The following ERC1 variants were observed in gnomAD, a reference collection of about 807,000 sequenced individuals.
ERC1 encodes ELKS/RAB6-interacting/CAST family member 1.
In ERC1, 56 loss-of-function variants were observed where a neutral mutation model predicts 132.0. That is an observed-to-expected ratio of 0.42 (90% CI 0.34 to 0.53). ERC1 has a LOEUF of 0.53. Among genes scored for constraint, ERC1 ranks in the 20% least tolerant of loss-of-function variants. ERC1 has a pLI of 0.03. For synonymous variants in ERC1, 478 were observed against 476.1 expected (o/e 1.00, Z -0.05); for missense variants, 1,202 against 1,349.9 (o/e 0.89, Z 1.72).
intron 16 of ERC1, among the ~76,000 whole-genome samples, chr12:1,403,465 G>A (rs1486574769): frequency 1.3e-5 from 2 of 152,188 alleles, no homozygotes; most frequent in African/African-American, 2.4e-5. Flanking sequence ...TGCTCTGTGA[G>A]CTGTCAGATA....
chr12:1,441,852 T>C (rs1190822693), intron 17 of ERC1, among the ~76,000 whole-genome samples: 3 of 152,210 alleles, frequency 2.0e-5, no homozygotes, highest in Admixed American at 6.5e-5. Context: ...CAGAGTGTGC[T>C]TGCATTTAAA....
rs7308267 is a variant in ERC1 at position 1,117,704 on chromosome 12, G to A, written c.1569+1671G>A. ...CTCGTTTATTTACTGCCAGTGTCTG[G>A]CACATAGTAAAGTCTTTGTACATTC... On this transcript the variant is annotated intron_variant, in intron 7 of 18. Transcript: ENST00000360905. 4.7e-3 allele frequency among the ~76,000 whole-genome samples: 716 copies of A among 152,270 alleles called. 4 individuals carry two copies. Among genetic ancestry groups the A allele is most frequent in the African/African-American group, 0.016 (675 of 41,552 alleles).
chr12:1,156,495 C>T (rs183220653), intron 8 of ERC1, among the ~76,000 whole-genome samples: 30 of 152,244 alleles, frequency 2.0e-4, no homozygotes, highest in Admixed American at 1.2e-3. Context: ...CCTCAGCCTC[C>T]CAAAGTGCAG....
At chr12:1,336,075 G>C (rs941242000) in intron 15 of ERC1, among the ~76,000 whole-genome samples, 2 of 151,976 alleles carry the variant, frequency 1.3e-5, no homozygotes, top group Non-Finnish European at 1.5e-5. Context: ...ATTCTCTAGT[G>C]GTTGTTTGTA....
intron 15 of ERC1, among the ~76,000 whole-genome samples, chr12:1,317,323 A>G (rs905056879): frequency 2.6e-5 from 4 of 152,126 alleles, no homozygotes; most frequent in East Asian, 1.9e-4. Context: ...CAAACACCGC[A>G]TGTTCTCACT....
intron 18 of ERC1, among the ~76,000 whole-genome samples, chr12:1,463,224 G>A (rs2093676131): frequency 6.6e-6 from 1 of 152,138 alleles, no homozygotes; most frequent in African/African-American, 2.4e-5. Flanking sequence ...TAATGCTGGG[G>A]CAGTGTTAGG....
intron 2 of ERC1, among the ~76,000 whole-genome samples, chr12:1,045,893 GAA>G (rs1195321036): frequency 6.6e-6 from 1 of 151,980 alleles, no homozygotes; most frequent in African/African-American, 2.4e-5. Context: ...AAGGGGTAGA[GAA>G]AAGAGATAAT....
chr12:1,034,768 A>G (rs1158567248), intron 2 of ERC1, among the ~76,000 whole-genome samples: 1 of 152,254 alleles, frequency 6.6e-6, no homozygotes, highest in Non-Finnish European at 1.5e-5. Flanking sequence ...GCAATTGTTT[A>G]TGCCTGTACT....
intron 17 of ERC1, among the ~76,000 whole-genome samples, chr12:1,437,319 A>G (rs1437471911): frequency 1.3e-5 from 2 of 151,764 alleles, no homozygotes; most frequent in African/African-American, 4.8e-5. Context: ...TTCACTTTTC[A>G]CCCCATTTCT....
At chr12:1,010,768 C>T (rs760070487) in intron 1 of ERC1, among the ~76,000 whole-genome samples, 2 of 151,952 alleles carry the variant, frequency 1.3e-5, no homozygotes, top group African/African-American at 2.4e-5. Flanking sequence ...CCTTCTTGGC[C>T]TCCGAAAGTG....
chr12:1,309,107 G>GT (rs2081098047), intron 15 of ERC1, among the ~76,000 whole-genome samples: 1 of 150,422 alleles, frequency 6.6e-6, no homozygotes. Flanking sequence ...CTCTGGAACT[G>GT]TGAGAAGTAA....
At chr12:1,182,668 T>TA (rs1268567931) in intron 10 of ERC1, among the ~76,000 whole-genome samples, 7 of 151,972 alleles carry the variant, frequency 4.6e-5, no homozygotes, top group African/African-American at 1.7e-4. Context: ...TGATTTTTTT[T>TA]TTTTCTTTTA....
intron 18 of ERC1, among the ~76,000 whole-genome samples, chr12:1,445,523 G>A (rs566161961): frequency 1.4e-4 from 21 of 152,136 alleles, no homozygotes; most frequent in East Asian, 9.7e-4. Flanking sequence ...GATTCACCGC[G>A]CCCGGCCAGT....
At chr12:1,196,974 ATATTTTTTTTT>A in intron 12 of ERC1, among the ~76,000 whole-genome samples, 1 of 52,144 alleles carries the variant, frequency 1.9e-5, no homozygotes, top group Admixed American at 1.6e-4. Context: ...ATATATATAT[ATATTTTTTTTT>A]TTTTTTTTTT....
chr12:1,082,300 A>G (rs1340379294), intron 2 of ERC1, among the ~76,000 whole-genome samples: 2 of 151,572 alleles, frequency 1.3e-5, no homozygotes, highest in African/African-American at 2.4e-5. Flanking sequence ...TGCTAGGATT[A>G]CAGGCGTGAA....
chr12:1,199,473 A>T (rs969048472), intron 12 of ERC1, among the ~76,000 whole-genome samples: 4 of 130,054 alleles, frequency 3.1e-5, no homozygotes, highest in African/African-American at 4.2e-5. Flanking sequence ...TGACTTTGTT[A>T]AAAAAAAAAT....
At chr12:1,459,867 C>T (rs769887445) in intron 18 of ERC1, among the ~76,000 whole-genome samples, 4 of 152,172 alleles carry the variant, frequency 2.6e-5, no homozygotes, top group Non-Finnish European at 5.9e-5. Flanking sequence ...ACAGGTGGTA[C>T]TCTTGCCAAA....
intron 1 of ERC1, among the ~76,000 whole-genome samples, chr12:1,001,853 CTTTTTTT>C (rs869097939): frequency 1.1e-4 from 12 of 109,132 alleles, no homozygotes; most frequent in Admixed American, 5.7e-4. Flanking sequence ...CTTGTAAAGT[CTTTTTTT>C]TTTTTTTTTT....
chr12:1,123,285 C>G (rs962828445), intron 7 of ERC1, among the ~76,000 whole-genome samples: 1 of 151,542 alleles, frequency 6.6e-6, no homozygotes, highest in Non-Finnish European at 1.5e-5. Flanking sequence ...CCCAGTTTAC[C>G]CAGTGGAGAA....
Sources: allele counts gnomAD v4.1 joint callset (sites outside exome capture counted in the v4.1 genomes callset), GRCh38; gene constraint gnomAD v4.1.1; transcripts MANE v1.5; gene names NCBI Gene and HGNC (gene_info 2026-07-23, HGNC 2026-07-21).